TMEM108: variants seen among roughly 807,000 people sequenced by gnomAD.
TMEM108 encodes the protein transmembrane protein 108.
In TMEM108, 12 loss-of-function variants were observed where a neutral mutation model predicts 35.1. The observed-to-expected ratio is 0.34, with a 90% CI of 0.22 to 0.55. TMEM108 has a LOEUF of 0.55. Ranked by LOEUF, TMEM108 falls within the 20% of genes least tolerant of loss-of-function variation. TMEM108 has a pLI of 0.89. For synonymous variants in TMEM108, 287 were observed against 308.6 expected, an observed-to-expected ratio of 0.93 and a Z score of 0.73; for missense variants, 680 against 753.3, an observed-to-expected ratio of 0.90 and a Z score of 1.14.
intron 3 of TMEM108, among the ~76,000 whole-genome samples, chr3:133,234,967 TAGAG>T (rs1047503633): frequency 3.9e-5 from 6 of 151,982 alleles, no homozygotes; most frequent in Admixed American, 2.0e-4. Context: ...AACAGACAAA[TAGAG>T]AGCCAAATCA....
At chr3:133,150,433 A>G (rs1458615768) in intron 2 of TMEM108, among the ~76,000 whole-genome samples, 2 of 149,254 alleles carry the variant, frequency 1.3e-5, no homozygotes, top group Non-Finnish European at 3.0e-5. Flanking sequence ...CAGATATAAT[A>G]GCAAATATTT....
Position 133,370,921 on chromosome 3 carries a change from T to TGCGC in TMEM108, c.41-8829_41-8828insGCGC, listed in dbSNP as rs1553770123. On this transcript the variant is annotated intron_variant, in intron 3 of 5. Transcript: ENST00000321871. ...GTGTGTGTGTGTGTGTGTGTGTGTG[T>TGCGC]GCCAGGAAGCTTCATGGCCCTCCTA... Among the ~76,000 whole-genome samples the TGCGC allele has an allele frequency of 2.2e-4, 31 of 139,402 alleles. No homozygotes were observed. The South Asian group carries it at 3.3e-3, about 15-fold the overall frequency. The allele number at this position is 139,402 out of a possible 152,430, so 91.5% of individuals were successfully genotyped here.
At chr3:133,209,545 A>G (rs758332935) in intron 2 of TMEM108, among the ~76,000 whole-genome samples, 2 of 152,018 alleles carry the variant, frequency 1.3e-5, no homozygotes, top group Non-Finnish European at 2.9e-5. Context: ...AGCACAGTGC[A>G]TGTTAAGTTG....
In TMEM108 at chr3:133,322,493, C is replaced by T. The variant is rs111470304; in HGVS notation, c.41-57259C>T. On this transcript the variant is annotated intron_variant, in intron 3 of 5. Coordinates refer to ENST00000321871, the MANE Select transcript of TMEM108 (RefSeq NM_023943.4). ...ATCAGGCAGAAGCAGAAAGTCTGAA[C>T]GGACCAATAACAAATAGTGAAATTG... Among the ~76,000 whole-genome samples, 258 of 152,056 alleles carry T rather than the reference C, an allele frequency of 1.7e-3. 3 individuals carry two copies. The highest frequency in any genetic ancestry group is 5.7e-3 in the African/African-American group (238 of 41,500).
intron 2 of TMEM108, among the ~76,000 whole-genome samples, chr3:133,103,933 A>G (rs185980365): frequency 6.6e-6 from 1 of 152,344 alleles, no homozygotes; most frequent in Non-Finnish European, 1.5e-5. Flanking sequence ...TGCCTTCAGT[A>G]TATTCTAGCA....
At chr3:133,309,911 G>A (rs868486118) in intron 3 of TMEM108, among the ~76,000 whole-genome samples, 4 of 151,628 alleles carry the variant, frequency 2.6e-5, no homozygotes, top group East Asian at 1.9e-4. Context: ...CGTTTTAGCC[G>A]GGATGGTCTC....
At chr3:133,204,692 A>T (rs1343306710) in intron 2 of TMEM108, among the ~76,000 whole-genome samples, 1 of 152,118 alleles carries the variant, frequency 6.6e-6, no homozygotes, top group Non-Finnish European at 1.5e-5. Flanking sequence ...ACATTCTTTT[A>T]CATTTGCTGA....
chr3:133,284,372 A>G (rs1263955519), intron 3 of TMEM108, among the ~76,000 whole-genome samples: 1 of 152,212 alleles, frequency 6.6e-6, no homozygotes, highest in Non-Finnish European at 1.5e-5. Context: ...ATTTATACAT[A>G]GAAAGGGCCG....
intron 3 of TMEM108, among the ~76,000 whole-genome samples, chr3:133,253,813 G>A (rs1946505850): frequency 6.6e-6 from 1 of 152,136 alleles, no homozygotes; most frequent in Non-Finnish European, 1.5e-5. Context: ...AATGTGTTCT[G>A]AGCATCTCTT....
chr3:133,315,972 G>A (rs1052350241), intron 3 of TMEM108, among the ~76,000 whole-genome samples: 6 of 152,120 alleles, frequency 3.9e-5, no homozygotes, highest in Non-Finnish European at 8.8e-5. Context: ...ATAGACCTCC[G>A]CACTACTAAG....
intron 3 of TMEM108, among the ~76,000 whole-genome samples, chr3:133,272,788 C>A (rs1946790983): frequency 6.6e-6 from 1 of 152,212 alleles, no homozygotes; most frequent in African/African-American, 2.4e-5. Context: ...ATCTTCTCAG[C>A]CAGGGGAGGT....
At chr3:133,322,744 T>G (rs1175823264) in intron 3 of TMEM108, among the ~76,000 whole-genome samples, 3 of 151,928 alleles carry the variant, frequency 2.0e-5, no homozygotes, top group Non-Finnish European at 2.9e-5. Context: ...ATATCCCTGG[T>G]GAATATAGAT....
chr3:133,062,889 GC>G (rs1943552031), intron 2 of TMEM108, among the ~76,000 whole-genome samples: 1 of 152,168 alleles, frequency 6.6e-6, no homozygotes, highest in South Asian at 2.1e-4. Flanking sequence ...CCATGTTTTT[GC>G]CGAGTGAGCA....
intron 3 of TMEM108, among the ~76,000 whole-genome samples, chr3:133,324,283 G>T (rs2071303025): frequency 6.6e-6 from 1 of 151,988 alleles, no homozygotes; most frequent in Admixed American, 6.6e-5. Flanking sequence ...TCTGACAAAG[G>T]ACTACTATCC....
intron 3 of TMEM108, among the ~76,000 whole-genome samples, chr3:133,322,677 T>C (rs1488946602): frequency 6.6e-6 from 1 of 152,164 alleles, no homozygotes; most frequent in African/African-American, 2.4e-5. Flanking sequence ...GTGAAGTCAG[T>C]ATCACCCTAA....
At chr3:133,087,337 C>T (rs939373022) in intron 2 of TMEM108, among the ~76,000 whole-genome samples, 15 of 152,252 alleles carry the variant, frequency 9.9e-5, no homozygotes, top group Admixed American at 3.9e-4. Flanking sequence ...GATGTGATAA[C>T]GCTGCAGGAT....
intron 2 of TMEM108, among the ~76,000 whole-genome samples, chr3:133,168,714 A>G (rs1187952217): frequency 1.3e-5 from 2 of 152,150 alleles, no homozygotes; most frequent in African/African-American, 4.8e-5. Context: ...GCGGCAACCC[A>G]CTCAGGTCCC....
At chr3:133,067,539 C>T (rs1943624715) in intron 2 of TMEM108, among the ~76,000 whole-genome samples, 2 of 152,168 alleles carry the variant, frequency 1.3e-5, no homozygotes, top group African/African-American at 4.8e-5. Context: ...CTACTACTTG[C>T]TTACATTAAA....
intron 2 of TMEM108, among the ~76,000 whole-genome samples, chr3:133,179,359 A>G (rs1945292778): frequency 6.6e-6 from 1 of 152,224 alleles, no homozygotes; most frequent in African/African-American, 2.4e-5. Flanking sequence ...ATGCACACGT[A>G]TGTTTATTGT....
Sources: allele counts gnomAD v4.1 joint callset (sites outside exome capture counted in the v4.1 genomes callset), GRCh38; gene constraint gnomAD v4.1.1; transcripts MANE v1.5; gene names NCBI Gene and HGNC (gene_info 2026-07-23, HGNC 2026-07-21).